The following GTF2E2 variants were observed in gnomAD, a reference collection of about 807,000 sequenced individuals.
The protein encoded by GTF2E2 is general transcription factor IIE subunit 2.
Under a neutral mutation model 40.5 loss-of-function variants are expected in GTF2E2, and 21 were observed. The ratio of observed to expected loss-of-function variants is 0.52; its 90% CI spans 0.37 to 0.75. The LOEUF (loss-of-function observed/expected upper bound fraction) is 0.75. Ranked by LOEUF, GTF2E2 falls within the 30% of genes least tolerant of loss-of-function variation. The probability of loss-of-function intolerance (pLI) is 0.00; values close to 1 mark genes in which losing one functional copy is unlikely to be tolerated. For missense variants in GTF2E2, 298 were observed against 338.4 expected (o/e 0.88, Z 0.94); for synonymous variants, 117 against 121.6 (o/e 0.96, Z 0.25).
chr8:30,579,491 A>C (rs11783765), intron 7 of GTF2E2, among the ~76,000 whole-genome samples: 111,708 of 152,116 alleles, frequency 0.73, 41,421 homozygotes, highest in Middle Eastern at 0.79. Context: ...TGATGAAAAA[A>C]ATTAACAAAT....
intron 2 of GTF2E2, among the ~76,000 whole-genome samples, chr8:30,641,070 A>G (rs1228909377): frequency 6.6e-6 from 1 of 152,214 alleles, no homozygotes; most frequent in African/African-American, 2.4e-5. Context: ...AAACATCAAA[A>G]GTTACTAGAG....
intron 3 of GTF2E2, among the ~76,000 whole-genome samples, chr8:30,618,332 G>A (rs1585970644): frequency 6.6e-6 from 1 of 151,988 alleles, no homozygotes; most frequent in Non-Finnish European, 1.5e-5. Context: ...TATGTGGACT[G>A]ACAAATACTA....
intron 2 of GTF2E2, among the ~76,000 whole-genome samples, chr8:30,644,803 T>C (rs1802004311): frequency 6.6e-6 from 1 of 151,562 alleles, no homozygotes; most frequent in African/African-American, 2.4e-5. Context: ...CAGGCTAGAA[T>C]GCAGTGGCAC....
rs574880071 is a variant in GTF2E2, at chr8:30,658,201, G to T, written c.-233C>A. On this transcript the variant is annotated 5_prime_UTR_variant, in exon 1 of 8. Transcript: ENST00000355904. ...AGGCGGCGACTGGACCCGGGACTCC[G>T]CCCGCCACTTCCCGATCGGGTGCTA... 3 of 182,900 alleles carry T rather than the reference G, an allele frequency of 1.6e-5. No homozygotes were observed. Among genetic ancestry groups the T allele is most frequent in the South Asian group, 8.9e-5 (1 of 11,188 alleles). The allele number at this position is 182,900 out of a possible 1,614,324, so 11.3% of individuals were successfully genotyped here.
At chr8:30,583,136 C>T (rs1828560356) in intron 6 of GTF2E2, among the ~76,000 whole-genome samples, 1 of 152,108 alleles carries the variant, frequency 6.6e-6, no homozygotes, top group African/African-American at 2.4e-5. Flanking sequence ...GAGTTCAAGA[C>T]CAGCCTGGCC....
chr8:30,610,081 G>GC (rs1346306415), intron 5 of GTF2E2, among the ~76,000 whole-genome samples: 1 of 152,044 alleles, frequency 6.6e-6, no homozygotes, highest in African/African-American at 2.4e-5. Flanking sequence ...CTAATACATA[G>GC]CCAAAACAAT....
intron 3 of GTF2E2, among the ~76,000 whole-genome samples, chr8:30,627,237 TA>T (rs1801305594): frequency 6.6e-6 from 1 of 152,132 alleles, no homozygotes; most frequent in African/African-American, 2.4e-5. Context: ...CATATTTCAC[TA>T]TATATGTCTT....
At chr8:30,599,310 C>T in intron 6 of GTF2E2, among the ~76,000 whole-genome samples, 1 of 152,182 alleles carries the variant, frequency 6.6e-6, no homozygotes, top group East Asian at 1.9e-4. Context: ...GGCACAGTGG[C>T]TCACGCCTGT....
At position 30,650,978 on chromosome 8, in the gene GTF2E2, C is replaced by A. The variant is rs536706866; in HGVS notation, c.166+2455G>T. ...GCACTGAGCTGAGATTGCGCCACTG[C>A]ACTCCAGCCTGGGCAACAGAGCAAG... On this transcript the variant is annotated intron_variant, in intron 2 of 7. Transcript: ENST00000355904. Among the ~76,000 whole-genome samples, 5 of 145,946 alleles carry A rather than the reference C, an allele frequency of 3.4e-5. No individual in the cohort carries two copies. The South Asian group carries it at 8.8e-4, about 26-fold the overall frequency.
At chr8:30,652,564 G>C (rs1292352374) in intron 2 of GTF2E2, among the ~76,000 whole-genome samples, 1 of 148,686 alleles carries the variant, frequency 6.7e-6, no homozygotes, top group African/African-American at 2.5e-5. Flanking sequence ...AAAAAAAACA[G>C]AATTTCAAGC....
intron 1 of GTF2E2, among the ~76,000 whole-genome samples, chr8:30,655,626 G>A (rs1802426972): frequency 6.6e-6 from 1 of 152,138 alleles, no homozygotes; most frequent in Non-Finnish European, 1.5e-5. Flanking sequence ...TGTGCTCTAA[G>A]CTTTGAAAGG....
chr8:30,629,332 G>A (rs1801372354), intron 3 of GTF2E2, among the ~76,000 whole-genome samples: 1 of 152,096 alleles, frequency 6.6e-6, no homozygotes, highest in African/African-American at 2.4e-5. Flanking sequence ...ATTGTCAGAA[G>A]TAATTCAGAC....
intron 6 of GTF2E2, among the ~76,000 whole-genome samples, chr8:30,595,891 A>G (rs919701744): frequency 3.3e-5 from 5 of 152,114 alleles, no homozygotes; most frequent in African/African-American, 1.2e-4. Flanking sequence ...AAGAAGAGAA[A>G]AGAAAAGAAA....
chr8:30,609,875 C>T (rs1367929470), intron 5 of GTF2E2, among the ~76,000 whole-genome samples: 1 of 152,148 alleles, frequency 6.6e-6, no homozygotes, highest in Admixed American at 6.5e-5. Context: ...CTTGCTCCTG[C>T]TCCGGCCATG....
rs10109007 is a variant in GTF2E2, at chr8:30,581,085, T to G, written c.644-689A>C. 8.8e-3 allele frequency among the ~76,000 whole-genome samples: 1,339 copies of G among 152,302 alleles called. 23 individuals carry two copies. Among genetic ancestry groups the G allele is most frequent in the African/African-American group, 0.031 (1,292 of 41,540 alleles). On this transcript the variant is annotated intron_variant, in intron 6 of 7. Transcript: ENST00000355904. ...ATTCCAAATGAACATTATTTACATC[T>G]TACATTCTGCTCCTGAAGACAGGTT...
rs551567856 is a variant in GTF2E2, at chr8:30,626,353, C to T, written c.258+8679G>A. Among the ~76,000 whole-genome samples the T allele has an allele frequency of 1.1e-4, 16 of 152,260 alleles. 1 individual carries two copies. In the South Asian group the frequency reaches 2.9e-3, roughly 28 times the overall value. ...TACAAAATTTAGCCGGGCGTGGTGG[C>T]ACACGCCTGTAGTCCCAGCTACTTG... On this transcript the variant is annotated intron_variant, in intron 3 of 7. Transcript: ENST00000355904.
At chr8:30,643,252 G>A (rs1429564348) in intron 2 of GTF2E2, among the ~76,000 whole-genome samples, 2 of 152,166 alleles carry the variant, frequency 1.3e-5, no homozygotes, top group African/African-American at 4.8e-5. Context: ...GATATATATT[G>A]AAATATTTCT....
At chr8:30,626,666 C>T (rs1801285711) in intron 3 of GTF2E2, among the ~76,000 whole-genome samples, 1 of 152,144 alleles carries the variant, frequency 6.6e-6, no homozygotes, top group Admixed American at 6.5e-5. Context: ...AACCTAGGCC[C>T]AGGAACAATT....
chr8:30,649,796 CT>C, intron 2 of GTF2E2, among the ~76,000 whole-genome samples: 2 of 152,246 alleles, frequency 1.3e-5, no homozygotes, highest in Middle Eastern at 6.8e-3. Context: ...GGGGATATCA[CT>C]ACTGACTTTA....
Sources: gnomAD v4.1 joint callset for allele counts (sites outside exome capture counted in the v4.1 genomes callset) on GRCh38, gnomAD v4.1.1 for gene constraint, MANE v1.5 for transcripts, NCBI Gene and HGNC (gene_info 2026-07-23, HGNC 2026-07-21) for gene names.